ZNF697: variants seen among roughly 807,000 people sequenced by gnomAD.
ZNF697 encodes zinc finger protein 697.
In ZNF697, 23 loss-of-function variants were observed where a neutral mutation model predicts 32.4. The ratio of observed to expected loss-of-function variants is 0.71; its 90% CI spans 0.51 to 1.01. The LOEUF is 1.01. ZNF697 is among the 50% of genes least tolerant of loss of function. The pLI, the probability that ZNF697 is intolerant of heterozygous loss-of-function variation, is 0.00. For synonymous variants in ZNF697, 418 were observed against 337.2 expected, an observed-to-expected ratio of 1.24 and a Z score of -2.62; for missense variants, 930 against 794.0, an observed-to-expected ratio of 1.17 and a Z score of -2.06.
intron 1 of ZNF697, among the ~76,000 whole-genome samples, chr1:119,640,646 G>A (rs587718300): frequency 1.3e-5 from 2 of 152,320 alleles, no homozygotes; most frequent in South Asian, 4.1e-4. Flanking sequence ...TCATTGTGGG[G>A]AATGCTACCA....
chr1:119,639,011 T>C (rs1648997567), intron 1 of ZNF697, among the ~76,000 whole-genome samples: 2 of 152,236 alleles, frequency 1.3e-5, no homozygotes, highest in South Asian at 2.1e-4. Flanking sequence ...CTTGAAAGGA[T>C]GCTATAAAGA....
chr1:119,636,983 A>G (rs886987158), intron 1 of ZNF697, among the ~76,000 whole-genome samples: 1 of 152,190 alleles, frequency 6.6e-6, no homozygotes, highest in African/African-American at 2.4e-5. Context: ...CCCCAGGTTT[A>G]TGGCTCCTAT....
At position 119,620,042 on chromosome 1, in the gene ZNF697, C is replaced by T. The variant is rs1483100066; in HGVS notation, c.*2663G>A. On this transcript the variant is annotated 3_prime_UTR_variant, in exon 3 of 3. Coordinates refer to ENST00000421812, the MANE Select transcript of ZNF697 (RefSeq NM_001080470.2). ...CAAACAACCTCCTGAATGCATTTAA[C>T]CTCACTTAATGCAGGTAAGTTCCCT... 1 of 152,568 alleles carries T rather than the reference C, an allele frequency of 6.6e-6. No homozygotes were observed. Among genetic ancestry groups the T allele is most frequent in the Non-Finnish European group, 1.5e-5 (1 of 68,038 alleles). The allele number at this position is 152,568 out of a possible 1,614,324, so 9.5% of individuals were successfully genotyped here. A position where few individuals can be genotyped will look rare whatever the true frequency, so the allele number is the denominator to read the frequency against.
Position 119,625,885 on chromosome 1 carries a change from G to A in ZNF697, c.216C>T (p.Asp72=). Residue 72 remains aspartate (D), a synonymous_variant, in exon 2 of 3, where the codon GAC becomes GAT. Transcript: ENST00000421812. ...CAGCTTTCTCCTCACCTGTGCAGAT[G>A]TCGGGCACTGCTTCCCTGTGCCTTG... ...QDSRHREAVP[D]ICTEGQLSEE... 6.2e-7 allele frequency: 1 copy of A among 1,613,222 alleles called. No homozygotes were observed. Among genetic ancestry groups the A allele is most frequent in the South Asian group, 1.1e-5 (1 of 91,044 alleles).
intron 2 of ZNF697, among the ~76,000 whole-genome samples, chr1:119,624,357 G>A (rs1486271903): frequency 3.9e-5 from 4 of 101,804 alleles, no homozygotes; most frequent in African/African-American, 1.9e-4. Flanking sequence ...CTCGGGCCCA[G>A]GCCCCCCTAG....
chr1:119,646,098 T>C (rs1649194384), intron 1 of ZNF697, among the ~76,000 whole-genome samples: 1 of 152,092 alleles, frequency 6.6e-6, no homozygotes, highest in African/African-American at 2.4e-5. Context: ...ATTTACCACT[T>C]CAATCCAGCC....
chr1:119,630,384 A>T (rs1470775042), intron 1 of ZNF697, among the ~76,000 whole-genome samples: 1 of 152,206 alleles, frequency 6.6e-6, no homozygotes, highest in Non-Finnish European at 1.5e-5. Flanking sequence ...CACCACCACC[A>T]TCACAAAACC....
intron 1 of ZNF697, among the ~76,000 whole-genome samples, chr1:119,629,948 C>T (rs1157138332): frequency 6.6e-6 from 1 of 152,158 alleles, no homozygotes; most frequent in Non-Finnish European, 1.5e-5. Flanking sequence ...TGCTGATTGC[C>T]CATCCTGTAA....
Position 119,648,266 on chromosome 1 carries a change from T to G in ZNF697, c.-613A>C, listed in dbSNP as rs1020527465. 6.7e-6 allele frequency: 1 copy of G among 149,884 alleles called. No individual in the cohort carries two copies. The highest frequency in any genetic ancestry group is 1.5e-5 in the Non-Finnish European group (1 of 66,992). The allele number at this position is 149,884 out of a possible 1,614,324, so 9.3% of individuals were successfully genotyped here. On this transcript the variant is annotated 5_prime_UTR_variant, in exon 1 of 3. Transcript: ENST00000421812. ...GCTGGCTGCCCGGCTGACTCCTCAC[T>G]GGGGCTTCCTGTAGGGCTGGACAAA...
At chr1:119,625,699 A>G (rs1242567521) in intron 2 of ZNF697, among the ~76,000 whole-genome samples, 176 bp downstream of exon 2, 2 of 152,216 alleles carry the variant, frequency 1.3e-5, no homozygotes, top group Non-Finnish European at 2.9e-5. Flanking sequence ...ACTGGGCTGA[A>G]AAAAAGGATG....
At position 119,626,086 on chromosome 1, in the gene ZNF697, ATCT is replaced by A. The variant is rs1253898651; in HGVS notation, c.12_14del (p.Glu4del). On this transcript the variant is annotated inframe_deletion, in exon 2 of 3. Transcript: ENST00000421812. ...CCTGGTGTGCACAGACACCCTGATT[ATCT>A]TCTTGTTTCATCCAGGAAGAAAAGA... 6.2e-7 allele frequency: 1 copy of A among 1,613,824 alleles called. No homozygotes were observed. Among genetic ancestry groups the A allele is most frequent in the African/African-American group, 1.3e-5 (1 of 74,900 alleles).
rs1292617362 is a variant in ZNF697, at chr1:119,624,104, C to G, written c.239G>C (p.Ser80Thr). Residue 80 changes from serine to threonine, a missense_variant, in exon 3 of 3, where the codon AGT (serine) becomes ACT (threonine). Ser to Thr is a moderately conservative substitution (Grantham distance 58, BLOSUM62 1). Transcript: ENST00000421812. ...ACGGACAGAAACGCCTTCTTCCTCACTCAGCTGCCCCTCTGCAACAGAAAA... is the reference window on the plus strand; with the variant it reads ...ACGGACAGAAACGCCTTCTTCCTCAGTCAGCTGCCCCTCTGCAACAGAAAA... ...VPDICTEGQL[S>T]EEEGVSVRGE... The G allele has an allele frequency of 6.4e-7, 1 of 1,571,906 alleles. No homozygotes were observed. The highest frequency in any genetic ancestry group is 8.6e-7 in the Non-Finnish European group (1 of 1,156,420).
At position 119,622,662 on chromosome 1, in the gene ZNF697, C is replaced by A. The variant is rs749312628; in HGVS notation, c.*43G>T. 6.7e-5 allele frequency: 99 copies of A among 1,470,620 alleles called. No homozygotes were observed. Among genetic ancestry groups the A allele is most frequent in the Non-Finnish European group, 8.3e-5 (92 of 1,111,474 alleles). The allele number at this position is 1,470,620 out of a possible 1,614,324, so 91.1% of individuals were successfully genotyped here. The stretch of plus-strand genomic sequence containing the variant: ...CTGGGTCAGTCCCAGGATATCTACC[C>A]CCCACAGGCTCCCCAGACGGCAGCC... On this transcript the variant is annotated 3_prime_UTR_variant, in exon 3 of 3. Coordinates refer to ENST00000421812, the MANE Select transcript of ZNF697 (RefSeq NM_001080470.2).
At position 119,623,215 on chromosome 1, in the gene ZNF697, C is replaced by T. The variant is rs747678639; in HGVS notation, c.1128G>A (p.Thr376=). 1.3e-6 allele frequency: 2 copies of T among 1,572,088 alleles called. No homozygotes were observed. The highest frequency in any genetic ancestry group is 1.7e-6 in the Non-Finnish European group (2 of 1,159,612). The stretch of plus-strand genomic sequence containing the variant: ...CGCCACAGCCGTGCGGCTTCTCGCC[C>T]GTGTGGATGCGCTGGTGGTTGGCCA... ...SHLANHQRIH[T]GEKPHGCGEC... is the part of the protein sequence containing the mutation. Residue 376 remains threonine, a synonymous_variant, in exon 3 of 3, where the codon ACG becomes ACA. Transcript: ENST00000421812.
rs1469914407 is a variant in ZNF697, at chr1:119,621,146, G to C, written c.*1559C>G. 1 of 152,068 alleles carries C rather than the reference G, an allele frequency of 6.6e-6. No homozygotes were observed. Among genetic ancestry groups the C allele is most frequent in the Admixed American group, 6.5e-5 (1 of 15,276 alleles). 9.4% of individuals were successfully genotyped at this position (152,068 alleles called of 1,614,324 possible). On this transcript the variant is annotated 3_prime_UTR_variant, in exon 3 of 3. Coordinates refer to ENST00000421812, the MANE Select transcript of ZNF697 (RefSeq NM_001080470.2). ...AGCTTTGTCAATAAGGACATGTTTG[G>C]CCCTTCTAGGCTAGCCTTAAGTTTT...
chr1:119,645,415 C>T (rs1649175777), intron 1 of ZNF697, among the ~76,000 whole-genome samples: 2 of 152,042 alleles, frequency 1.3e-5, no homozygotes, highest in Non-Finnish European at 2.9e-5. Flanking sequence ...ATACAAATTA[C>T]CAAGGGGTAA....
intron 1 of ZNF697, among the ~76,000 whole-genome samples, chr1:119,646,365 G>C (rs752802233): frequency 1.3e-5 from 1 of 74,430 alleles, no homozygotes; most frequent in African/African-American, 5.9e-5. Context: ...ACACACACAC[G>C]GCCAATATGT....
Position 119,623,696 on chromosome 1 carries a change from G to C in ZNF697, c.647C>G (p.Ala216Gly), listed in dbSNP as rs1309667566. 3 of 1,532,412 alleles carry C rather than the reference G, an allele frequency of 2.0e-6. No individual in the cohort carries two copies. Among genetic ancestry groups the C allele is most frequent in the Non-Finnish European group, 2.6e-6 (3 of 1,145,192 alleles). 94.9% of individuals were successfully genotyped at this position (1,532,412 alleles called of 1,614,324 possible). A position where few individuals can be genotyped will look rare whatever the true frequency, so the allele number is the denominator to read the frequency against. ...QHQRIHRLAEAAAAASLEPFG... is the reference protein window; with the variant it reads ...QHQRIHRLAEGAAAASLEPFG... ...GGGCTCCAGGCTGGCGGCGGCAGCG[G>C]CCTCAGCCAGGCGGTGAATGCGCTG... is the stretch of plus-strand genomic sequence containing the variant. The change falls in exon 3 of 3, where the codon GCC becomes GGC. Residue 216 changes from alanine to glycine, a missense_variant. Transcript: ENST00000421812.
In ZNF697 at chr1:119,625,970, T is replaced by C. The variant is rs756330909; in HGVS notation, c.131A>G (p.His44Arg). The stretch of plus-strand genomic sequence containing the variant: ...ATGGCCTTCTCTCTTGTTTGTGTCA[T>C]GTGGATTAGAGCCCATTTCTCTTTC... ...PEEREMGSNP[H>R]DTNKREGHPE... Residue 44 changes from histidine (H) to arginine (R), a missense_variant, in exon 2 of 3, where the codon CAT (histidine) becomes CGT (arginine). Physicochemically the swap from His to Arg is conservative, Grantham distance 29. Transcript: ENST00000421812. 20 of 1,613,962 alleles carry C rather than the reference T, an allele frequency of 1.2e-5. No homozygotes were observed. In the South Asian group the frequency reaches 1.9e-4, roughly 15 times the overall value.
Sources: gnomAD v4.1 joint callset for allele counts (sites outside exome capture counted in the v4.1 genomes callset) on GRCh38, gnomAD v4.1.1 for gene constraint, MANE v1.5 for transcripts, NCBI Gene and HGNC (gene_info 2026-07-23, HGNC 2026-07-21) for gene names.